The following PARD3B variants were observed in gnomAD, a reference collection of about 807,000 sequenced individuals.
The protein encoded by PARD3B is par-3 family cell polarity regulator beta.
A neutral mutation model predicts 130.2 loss-of-function variants in PARD3B; 103 were observed. The observed-to-expected ratio is 0.79, with a 90% CI of 0.67 to 0.93. PARD3B has a LOEUF of 0.93. Among genes scored for constraint, PARD3B ranks in the 40% least tolerant of loss-of-function variants. PARD3B has a pLI of 0.00. For missense variants in PARD3B, 1,609 were observed against 1,499.2 expected, an observed-to-expected ratio of 1.07 and a Z score of -1.21; for synonymous variants, 583 against 553.2, an observed-to-expected ratio of 1.05 and a Z score of -0.76.
chr2:205,150,252 T>TGTGTGCGC (rs375301293), intron 10 of PARD3B, among the ~76,000 whole-genome samples: 4,551 of 145,720 alleles, frequency 0.031, 238 homozygotes, highest in Admixed American at 0.14. Flanking sequence ...TGTGTGTGTG[T>TGTGTGCGC]GCACACACGC....
chr2:204,751,443 C>G (rs769478563), intron 2 of PARD3B, among the ~76,000 whole-genome samples: 2 of 152,242 alleles, frequency 1.3e-5, no homozygotes, highest in Non-Finnish European at 2.9e-5. Flanking sequence ...TCTTTAACTT[C>G]AAGGTACACA....
intron 2 of PARD3B, among the ~76,000 whole-genome samples, chr2:204,740,392 A>C (rs2039960513): frequency 6.6e-6 from 1 of 152,136 alleles, no homozygotes; most frequent in African/African-American, 2.4e-5. Flanking sequence ...TCCAGCCATA[A>C]CTTTATTGCT....
intron 18 of PARD3B, among the ~76,000 whole-genome samples, chr2:205,381,503 T>C (rs2668140): frequency 0.88 from 133,078 of 151,506 alleles, 58,618 homozygotes; most frequent in Admixed American, 0.93. Flanking sequence ...ATATTTATGG[T>C]TTGCATATCT....
intron 18 of PARD3B, among the ~76,000 whole-genome samples, chr2:205,304,295 G>A (rs1033969667): frequency 7.9e-5 from 12 of 152,106 alleles, no homozygotes; most frequent in African/African-American, 2.9e-4. Flanking sequence ...CCTGGGGTGA[G>A]GTTACCCCAG....
intron 1 of PARD3B, among the ~76,000 whole-genome samples, chr2:204,622,373 G>A (rs975561692): frequency 3.9e-5 from 6 of 152,090 alleles, no homozygotes; most frequent in Non-Finnish European, 7.4e-5. Flanking sequence ...CTCATTGTCC[G>A]TGTATGGCAT....
intron 15 of PARD3B, among the ~76,000 whole-genome samples, chr2:205,242,745 G>A (rs1405952482): frequency 6.6e-6 from 1 of 152,058 alleles, no homozygotes; most frequent in African/African-American, 2.4e-5. Flanking sequence ...TTTATCAAAT[G>A]TTTTCATTTA....
At position 205,473,709 on chromosome 2, in the gene PARD3B, T is replaced by TAC. The variant is rs1173773097; in HGVS notation, c.3045-26178_3045-26177dup. Among the ~76,000 whole-genome samples, 62 of 96,068 alleles carry TAC rather than the reference T, an allele frequency of 6.5e-4. 1 individual carries two copies. Among genetic ancestry groups the TAC allele is most frequent in the East Asian group, 4.1e-3 (19 of 4,592 alleles). 63.0% of individuals were successfully genotyped at this position (96,068 alleles called of 152,430 possible). A position where few individuals can be genotyped will look rare whatever the true frequency, so the allele number is the denominator to read the frequency against. On this transcript the variant is annotated intron_variant, in intron 20 of 22. Coordinates refer to ENST00000406610, the MANE Select transcript of PARD3B (RefSeq NM_001302769.2). This position sits in a 1 kb window ranked among gnomAD's most constrained non-coding sequence, Gnocchi z 4.9. ...GTATATATATATATATATATATATA[T>TAC]ACACACACACGTATATAAAACCCTA...
At chr2:205,533,137 C>CT (rs1178808139) in intron 21 of PARD3B, among the ~76,000 whole-genome samples, 2 of 152,062 alleles carry the variant, frequency 1.3e-5, no homozygotes, top group African/African-American at 2.4e-5. Context: ...GGCCATCCCT[C>CT]TTTTTTCACT....
At chr2:205,070,989 C>T (rs1700692724) in intron 4 of PARD3B, among the ~76,000 whole-genome samples, 1 of 151,760 alleles carries the variant, frequency 6.6e-6, no homozygotes, top group South Asian at 2.1e-4. Context: ...AAAGTGCATA[C>T]TGTTAATGTA....
At chr2:205,334,042 G>A (rs1574729548) in intron 18 of PARD3B, among the ~76,000 whole-genome samples, 3 of 152,020 alleles carry the variant, frequency 2.0e-5, no homozygotes, top group South Asian at 2.1e-4. Context: ...TTCCTACCCC[G>A]TTAGCAACAG....
intron 4 of PARD3B, among the ~76,000 whole-genome samples, chr2:205,103,047 G>A (rs1010543826): frequency 5.3e-5 from 8 of 150,986 alleles, no homozygotes; most frequent in East Asian, 1.9e-4. Flanking sequence ...CAGCCTGGGC[G>A]ACAGAGCTCA....
intron 16 of PARD3B, among the ~76,000 whole-genome samples, chr2:205,290,591 C>T (rs1301519040): frequency 6.6e-6 from 1 of 152,062 alleles, no homozygotes; most frequent in African/African-American, 2.4e-5. Context: ...TTTGGAAATC[C>T]CCTCAATTCA....
chr2:204,897,789 T>C (rs907636092), intron 2 of PARD3B, among the ~76,000 whole-genome samples: 1 of 152,076 alleles, frequency 6.6e-6, no homozygotes, highest in Non-Finnish European at 1.5e-5. Flanking sequence ...TGATCATTGC[T>C]TTCTGCCTCT....
intron 1 of PARD3B, among the ~76,000 whole-genome samples, chr2:204,666,026 A>G (rs1283237228): frequency 6.6e-6 from 1 of 152,158 alleles, no homozygotes; most frequent in Non-Finnish European, 1.5e-5. Flanking sequence ...TCTTTGTCTG[A>G]ATATGATGAT....
intron 1 of PARD3B, among the ~76,000 whole-genome samples, chr2:204,663,881 C>A (rs915817471): frequency 6.6e-6 from 1 of 152,198 alleles, no homozygotes; most frequent in Non-Finnish European, 1.5e-5. Context: ...GAATTCATGC[C>A]CCCATGATTT....
At chr2:204,746,754 T>G (rs1353558805) in intron 2 of PARD3B, among the ~76,000 whole-genome samples, 3 of 152,224 alleles carry the variant, frequency 2.0e-5, no homozygotes, top group Non-Finnish European at 4.4e-5. Flanking sequence ...TTTTTTCATG[T>G]GTCTGTTGGC....
chr2:205,457,157 A>G (rs1341999126), intron 20 of PARD3B, among the ~76,000 whole-genome samples: 1 of 151,870 alleles, frequency 6.6e-6, no homozygotes, highest in African/African-American at 2.4e-5. Flanking sequence ...TTATGAATTC[A>G]ATGTCCTTGA....
intron 10 of PARD3B, among the ~76,000 whole-genome samples, chr2:205,147,578 C>T (rs1230072611): frequency 6.6e-6 from 1 of 151,932 alleles, no homozygotes; most frequent in Non-Finnish European, 1.5e-5. Flanking sequence ...TAGTAGTTTC[C>T]TCCCTCTACC....
At chr2:204,599,101 G>A (rs1050563729) in intron 1 of PARD3B, among the ~76,000 whole-genome samples, 2 of 151,386 alleles carry the variant, frequency 1.3e-5, no homozygotes, top group Admixed American at 1.3e-4. Context: ...GAACCCTGGT[G>A]ATCTTTCGAT....
Sources: allele counts gnomAD v4.1 joint callset (sites outside exome capture counted in the v4.1 genomes callset), GRCh38; gene constraint gnomAD v4.1.1; non-coding constraint Gnocchi (gnomAD v3.1); transcripts MANE v1.5; gene names NCBI Gene and HGNC (gene_info 2026-07-23, HGNC 2026-07-21).